DHX29: variants seen among roughly 807,000 people sequenced by gnomAD.
DHX29 encodes ATP-dependent RNA helicase DHX29.
In DHX29, 79 loss-of-function variants were observed where a neutral mutation model predicts 167.9. The ratio of observed to expected loss-of-function variants is 0.47; its 90% CI spans 0.39 to 0.57. DHX29 has a LOEUF of 0.57. DHX29 is among the 20% of genes least tolerant of loss of function. DHX29 has a pLI of 0.00. For synonymous variants in DHX29, 530 were observed against 546.0 expected, an observed-to-expected ratio of 0.97 and a Z score of 0.41; for missense variants, 1,347 against 1,593.4, an observed-to-expected ratio of 0.85 and a Z score of 2.63.
chr5:55,263,160 G>A (rs1475410516), intron 23 of DHX29, among the ~76,000 whole-genome samples: 1 of 151,914 alleles, frequency 6.6e-6, no homozygotes, highest in Non-Finnish European at 1.5e-5. Context: ...CAAAACATAA[G>A]AATGTCTAAA....
chr5:55,268,874 C>T (rs369103501), intron 21 of DHX29, among the ~76,000 whole-genome samples: 2 of 152,070 alleles, frequency 1.3e-5, no homozygotes, highest in Non-Finnish European at 2.9e-5. Flanking sequence ...TCAAAGCTTC[C>T]TAAGAATCAT....
At position 55,303,339 on chromosome 5, in the gene DHX29, C is replaced by A. The variant is rs568846634; in HGVS notation, c.187+4048G>T. On this transcript the variant is annotated intron_variant, in intron 1 of 26. Coordinates refer to ENST00000251636, the MANE Select transcript of DHX29 (RefSeq NM_019030.4). ...CCCAAACAGGGACTCTGGTGGTAAA[C>A]AGACCCAGTGCCTGTCCTCATGGAG... Among the ~76,000 whole-genome samples the A allele has an allele frequency of 3.3e-5, 5 of 152,254 alleles. No individual in the cohort carries two copies. In the East Asian group the frequency reaches 9.7e-4, roughly 29 times the overall value.
intron 23 of DHX29, among the ~76,000 whole-genome samples, chr5:55,264,038 T>C (rs1746434872): frequency 6.6e-6 from 1 of 151,938 alleles, no homozygotes; most frequent in African/African-American, 2.4e-5. Flanking sequence ...CTCACACCTG[T>C]AATCCTAGCA....
At chr5:55,301,371 C>A (rs1748589516) in intron 1 of DHX29, among the ~76,000 whole-genome samples, 1 of 152,146 alleles carries the variant, frequency 6.6e-6, no homozygotes, top group Non-Finnish European at 1.5e-5. Flanking sequence ...AAACAAGTCT[C>A]AGGTTCCTTA....
intron 18 of DHX29, 111 bp from the exon 19 acceptor site, chr5:55,270,817 T>C: frequency 1.3e-6 from 1 of 750,982 alleles, no homozygotes. Flanking sequence ...AAAAATCCAT[T>C]ATTGTGGACC....
chr5:55,263,102 C>A (rs1746390008), intron 23 of DHX29, among the ~76,000 whole-genome samples, 170 bp from the exon 24 acceptor site: 1 of 151,948 alleles, frequency 6.6e-6, no homozygotes, highest in African/African-American at 2.4e-5. Flanking sequence ...ACTGGAAAGT[C>A]AAGAATTAGA....
chr5:55,276,575 G>C (rs1295949798), intron 13 of DHX29, among the ~76,000 whole-genome samples, 169 bp from the exon 14 acceptor site: 1 of 152,128 alleles, frequency 6.6e-6, no homozygotes, highest in East Asian at 1.9e-4. Context: ...TTGACATAGA[G>C]GGATTGCCTC....
intron 21 of DHX29, among the ~76,000 whole-genome samples, chr5:55,268,729 A>G (rs1182118649): frequency 2.0e-5 from 3 of 151,682 alleles, no homozygotes; most frequent in Non-Finnish European, 2.9e-5. Flanking sequence ...GTGCCCAGAG[A>G]CTCAGACAGA....
intron 1 of DHX29, among the ~76,000 whole-genome samples, chr5:55,303,905 G>A (rs375649799): frequency 6.6e-6 from 1 of 151,936 alleles, no homozygotes; most frequent in Non-Finnish European, 1.5e-5. Context: ...ATTTATAATG[G>A]CTTTCATAAA....
rs777902525 is a variant in DHX29, at chr5:55,267,694, T to C, written c.3423A>G (p.Ala1141=). 2 of 1,600,624 alleles carry C rather than the reference T, an allele frequency of 1.2e-6. No homozygotes were observed. The highest frequency in any genetic ancestry group is 8.5e-7 in the Non-Finnish European group (1 of 1,173,660). The change falls in exon 22 of 27, where the codon GCA becomes GCG. Residue 1141 remains alanine, a synonymous_variant. Coordinates refer to ENST00000251636, the MANE Select transcript of DHX29 (RefSeq NM_019030.4). ...CCAGATTATGTTTTTACCCTAGATATGCATTGTAGATCGTCAGGTGGTCTG... is the reference window on the plus strand; with the variant it reads ...CCAGATTATGTTTTTACCCTAGATACGCATTGTAGATCGTCAGGTGGTCTG... ...ADSDHLTIYN[A]YLGWKKARQE...
chr5:55,277,026 C>G (rs1747148272), intron 13 of DHX29, 80 bp downstream of exon 13: 2 of 1,029,852 alleles, frequency 1.9e-6, no homozygotes, highest in Non-Finnish European at 2.9e-6. Context: ...TGGCCTCTGA[C>G]TACAAGTGCC....
At position 55,283,651 on chromosome 5, in the gene DHX29, T is replaced by G. The variant is rs1196184397; in HGVS notation, c.1517A>C (p.Gln506Pro). ...TCTCTTATTTTCAGAATGCTGTTGT[T>G]GCTGCTGTTGCTGCTGTTTCAGTTT... ...LNKLKQQQQQ[Q>P]QQHSENKREN... is the part of the protein sequence containing the mutation. Residue 506 changes from glutamine to proline, a missense_variant, in exon 11 of 27, where the codon CAA (glutamine) becomes CCA (proline). This residue lies in a region of DHX29 where 882 missense variants were observed against 1,082.4 expected (regional missense o/e 0.81). Transcript: ENST00000251636. 3 of 1,614,124 alleles carry G rather than the reference T, an allele frequency of 1.9e-6. No homozygotes were observed. The highest frequency in any genetic ancestry group is 2.5e-6 in the Non-Finnish European group (3 of 1,179,984).
chr5:55,267,776 G>C lies in DHX29; in HGVS notation c.3341C>G (p.Pro1114Arg). ...ATCTGCTTCATCTTTTCGACCAATTGGTGTGGTAAAAGGAGACTTCTCTGT... is the reference window on the plus strand; with the variant it reads ...ATCTGCTTCATCTTTTCGACCAATTCGTGTGGTAAAAGGAGACTTCTCTGT... ...VMTEKSPFTT[P>R]IGRKDEADLA... is the part of the protein sequence containing the mutation. The change falls in exon 22 of 27, where the codon CCA becomes CGA. Residue 1114 changes from proline (P) to arginine (R), a missense_variant. Around this residue, in one of 3 missense-constraint regions of DHX29, gnomAD observed 882 missense variants for 1,082.4 expected, o/e 0.81. Coordinates refer to ENST00000251636, the MANE Select transcript of DHX29 (RefSeq NM_019030.4). 1 of 1,608,422 alleles carries C rather than the reference G, an allele frequency of 6.2e-7. No homozygotes were observed. The highest frequency in any genetic ancestry group is 1.1e-5 in the South Asian group (1 of 90,332).
In DHX29 at chr5:55,274,641, G is replaced by T; in HGVS notation, c.2663C>A (p.Ser888Ter). The change falls in exon 16 of 27, where the codon TCA (serine) becomes TAA (stop). Residue 888 changes from serine (S) to a stop codon, truncating the protein, a stop_gained. Transcript: ENST00000251636. LOFTEE classifies it high-confidence loss of function. ...TTCAGAATAAAATCTTCTATCATTTGATAGAAGATCATACAACTGCTGAAT... is the reference window on the plus strand; with the variant it reads ...TTCAGAATAAAATCTTCTATCATTTTATAGAAGATCATACAACTGCTGAAT... ...AHIQQLYDLLSNDRRFYSERY... is the reference protein window; with the variant it reads ...AHIQQLYDLL 2 of 1,600,300 alleles carry T rather than the reference G, an allele frequency of 1.2e-6. No individual in the cohort carries two copies. Among genetic ancestry groups the T allele is most frequent in the South Asian group, 2.3e-5 (2 of 88,384 alleles).
rs778427953 is a variant in DHX29 at position 55,307,432 on chromosome 5, C to T, written c.142G>A (p.Ala48Thr). The T allele has an allele frequency of 1.2e-6, 2 of 1,612,820 alleles. No individual in the cohort carries two copies. Among genetic ancestry groups the T allele is most frequent in the East Asian group, 4.5e-5 (2 of 44,862 alleles). Residue 48 changes from alanine (A) to threonine (T), a missense_variant, in exon 1 of 27, where the codon GCT (alanine) becomes ACT (threonine). Physicochemically the swap from Ala to Thr is moderately conservative, Grantham distance 58. This residue lies in a region of DHX29 where 405 missense variants were observed against 416.8 expected (regional missense o/e 0.97). Transcript: ENST00000251636. ...SKKPVSRPAT[A>T]AAAAAGSREP... is the part of the protein sequence containing the mutation. ...CTGGAGCCGGCAGCGGCAGCGGCAG[C>T]GGTGGCCGGCCTGGACACTGGCTTC...
chr5:55,283,546 G>A lies in DHX29; in HGVS notation c.1622C>T (p.Ala541Val). Residue 541 changes from alanine to valine, a missense_variant, in exon 11 of 27, where the codon GCA becomes GTA. Physicochemically the swap from Ala to Val is moderately conservative, Grantham distance 64. Coordinates refer to ENST00000251636, the MANE Select transcript of DHX29 (RefSeq NM_019030.4). ...AACAGGTTCCAAATCTTCCACATTT[G>A]CTGATTCCAAGGACAGTGCAGAAAA... ...EDFSALSLES[A>V]NVEDLEPVRN... The A allele has an allele frequency of 1.2e-6, 2 of 1,614,150 alleles. No homozygotes were observed. Among genetic ancestry groups the A allele is most frequent in the Non-Finnish European group, 1.7e-6 (2 of 1,180,018 alleles).
chr5:55,293,838 A>G (rs943100584), intron 6 of DHX29, among the ~76,000 whole-genome samples, 179 bp downstream of exon 6: 1 of 152,188 alleles, frequency 6.6e-6, no homozygotes, highest in Admixed American at 6.5e-5. Flanking sequence ...GTTAATTAAC[A>G]TCTTTTGAGC....
At position 55,298,782 on chromosome 5, in the gene DHX29, G is replaced by A. The variant is rs868042569; in HGVS notation, c.188-118C>T. On this transcript the variant is annotated intron_variant, in intron 1 of 26. Transcript: ENST00000251636. ...GCGGTGGCTCACGCCTGTAATCCCA[G>A]CACTTTGGGAGGCCGAGGCGGGTGG... The A allele has an allele frequency of 5.8e-4, 262 of 455,430 alleles. 2 individuals carry two copies. The highest frequency in any genetic ancestry group is 4.0e-3 in the Middle Eastern group (6 of 1,506). 28.2% of individuals were successfully genotyped at this position (455,430 alleles called of 1,614,324 possible).
chr5:55,291,829 C>A (rs1405800519), intron 6 of DHX29, among the ~76,000 whole-genome samples: 1 of 152,164 alleles, frequency 6.6e-6, no homozygotes, highest in East Asian at 1.9e-4. Flanking sequence ...GAGGTCCATC[C>A]GTGTTGTAGC....
Sources: allele counts gnomAD v4.1 joint callset (sites outside exome capture counted in the v4.1 genomes callset), GRCh38; gene constraint gnomAD v4.1.1; regional missense constraint gnomAD v4.1.1; transcripts MANE v1.5; gene names NCBI Gene and HGNC (gene_info 2026-07-23, HGNC 2026-07-21).